ITGAE: variants seen among roughly 807,000 people sequenced by gnomAD.
ITGAE encodes integrin alpha-E.
ITGAE carries 99 observed loss-of-function variants against 136.5 expected under a neutral mutation model. The observed-to-expected ratio is 0.73, with a 90% CI of 0.62 to 0.86. ITGAE has a LOEUF of 0.86. ITGAE is among the 40% of genes least tolerant of loss of function. ITGAE has a pLI of 0.00. For synonymous variants in ITGAE, 613 were observed against 591.8 expected (o/e 1.04, Z -0.52); for missense variants, 1,447 against 1,515.3 (o/e 0.95, Z 0.75).
At chr17:3,788,478 T>C (rs566582996) in intron 1 of ITGAE, among the ~76,000 whole-genome samples, 229 of 145,972 alleles carry the variant, frequency 1.6e-3, no homozygotes, top group Admixed American at 2.5e-3. Context: ...TTTTTTTTTT[T>C]TGGTAGAGGC....
intron 2 of ITGAE, among the ~76,000 whole-genome samples, chr17:3,767,091 C>G (rs1262542883): frequency 3.5e-5 from 5 of 142,470 alleles, no homozygotes; most frequent in Non-Finnish European, 6.2e-5. Context: ...TCTCCAAATT[C>G]TTTTTTTTTT....
chr17:3,715,031 C>T, intron 30 of ITGAE, 89 bp from the exon 31 acceptor site: 1 of 711,384 alleles, frequency 1.4e-6, no homozygotes. Context: ...CCTAAATAGC[C>T]CCTATATTCC....
chr17:3,746,348 A>G (rs2051713349), intron 17 of ITGAE, among the ~76,000 whole-genome samples: 3 of 152,302 alleles, frequency 2.0e-5, no homozygotes, highest in South Asian at 4.1e-4. Context: ...CTTACTGTAC[A>G]GAACAGAACC....
intron 12 of ITGAE, among the ~76,000 whole-genome samples, chr17:3,754,265 T>C (rs1008112276): frequency 2.0e-5 from 3 of 151,500 alleles, no homozygotes; most frequent in African/African-American, 7.3e-5. Flanking sequence ...TATTATTATT[T>C]TTATTTATTT....
chr17:3,720,336 C>T lies in ITGAE; in HGVS notation c.3304G>A (p.Gly1102Arg), dbSNP rs753010937. 1.9e-6 allele frequency: 3 copies of T among 1,589,008 alleles called. No homozygotes were observed. The highest frequency in any genetic ancestry group is 2.2e-5 in the South Asian group (2 of 90,466). The change falls in exon 29 of 31, where the codon GGA becomes AGA. Residue 1102 changes from glycine (G) to arginine (R), a missense_variant. By Grantham distance (125) the Gly-to-Arg change is moderately radical. Coordinates refer to ENST00000263087, the MANE Select transcript of ITGAE (RefSeq NM_002208.5). ...EISFNKSLYE[G>R]LNAENHRTKI... Reference sequence around the variant, plus strand: ...GTTCTGTGGTTCTCTGCATTCAGTCCCTCATATAGAGATTTGTTGAAAGAT... The same window carrying T: ...GTTCTGTGGTTCTCTGCATTCAGTCTCTCATATAGAGATTTGTTGAAAGAT...
intron 23 of ITGAE, 47 bp downstream of exon 23, chr17:3,731,057 C>A (rs2051330014): frequency 6.7e-7 from 1 of 1,499,992 alleles, no homozygotes; most frequent in Non-Finnish European, 9.3e-7. Context: ...AGGGAGATGT[C>A]TTCCGGGGTC....
At chr17:3,729,792 A>C in intron 23 of ITGAE, 1 of 411,378 alleles carries the variant, frequency 2.4e-6, no homozygotes, top group South Asian at 2.2e-5. Context: ...ATGGGGTTTC[A>C]CCATGTTGGC....
intron 20 of ITGAE, among the ~76,000 whole-genome samples, chr17:3,739,230 G>C (rs1024092278): frequency 6.6e-6 from 1 of 152,084 alleles, no homozygotes; most frequent in Admixed American, 6.6e-5. Flanking sequence ...AGCATCAGCT[G>C]CCACCCAACA....
At chr17:3,731,580 G>A (rs1256410134) in intron 22 of ITGAE, among the ~76,000 whole-genome samples, 2 of 151,298 alleles carry the variant, frequency 1.3e-5, no homozygotes, top group African/African-American at 4.8e-5. Flanking sequence ...GACCTCAAAT[G>A]ATCCACCCAC....
At chr17:3,784,497 C>T (rs1041499446) in intron 1 of ITGAE, 23 of 160,554 alleles carry the variant, frequency 1.4e-4, no homozygotes, top group Non-Finnish European at 2.7e-4. Context: ...CAGGTTCAAG[C>T]GATTCTTCTG....
intron 26 of ITGAE, 70 bp from the exon 27 acceptor site, chr17:3,723,814 C>A (rs2051121173): frequency 6.3e-7 from 1 of 1,579,958 alleles, no homozygotes; most frequent in Non-Finnish European, 8.6e-7. Context: ...CGTCCCGGCC[C>A]CGGCCCTGGC....
intron 8 of ITGAE, 51 bp from the exon 9 acceptor site, chr17:3,757,910 G>C (rs1489574030): frequency 1.9e-6 from 3 of 1,591,306 alleles, no homozygotes; most frequent in Non-Finnish European, 2.6e-6. Flanking sequence ...AAGGATGACC[G>C]AGCTCCAGGA....
At position 3,732,384 on chromosome 17, in the gene ITGAE, A is replaced by G. The variant is rs760766346; in HGVS notation, c.2738T>C (p.Val913Ala). 9.9e-6 allele frequency: 16 copies of G among 1,614,004 alleles called. No homozygotes were observed. The highest frequency in any genetic ancestry group is 1.2e-5 in the Non-Finnish European group (14 of 1,179,870). The change falls in exon 22 of 31, where the codon GTC becomes GCC. Residue 913 changes from valine to alanine, a missense_variant. By Grantham distance (64) the Val-to-Ala change is moderately conservative (BLOSUM62 0). This residue lies in a region of ITGAE where 1,031 missense variants were observed against 1,011.4 expected (regional missense o/e 1.02). Transcript: ENST00000263087. The part of the protein sequence containing the change: ...LIMNCRIGHP[V>A]LKRSSAHVSV... ...CCGACTCACAGATGACCTCTTGAGG[A>G]CGGGGTGACCAATCCTGCAGTTCAT...
intron 26 of ITGAE, 186 bp from the exon 27 acceptor site, chr17:3,723,930 C>A: frequency 1.3e-6 from 2 of 1,543,300 alleles, no homozygotes; most frequent in Non-Finnish European, 1.7e-6. Flanking sequence ...TTGGCGGGTG[C>A]CGGCCATGGC....
chr17:3,716,918 C>T (rs1667641555), intron 29 of ITGAE, 120 bp from the exon 30 acceptor site: 3 of 622,004 alleles, frequency 4.8e-6, no homozygotes, highest in Admixed American at 2.9e-5. Context: ...TTGATCAAAG[C>T]TGATGACAGT....
At chr17:3,784,971 C>A (rs2052750187) in intron 1 of ITGAE, among the ~76,000 whole-genome samples, 1 of 151,728 alleles carries the variant, frequency 6.6e-6, no homozygotes, top group African/African-American at 2.4e-5. Flanking sequence ...AACAAAAATA[C>A]CAAACTCCAT....
intron 1 of ITGAE, among the ~76,000 whole-genome samples, chr17:3,788,524 T>G (rs1386669560): frequency 7.0e-6 from 1 of 142,406 alleles, no homozygotes; most frequent in Non-Finnish European, 1.5e-5. Context: ...GGTCTTGAAC[T>G]CCTAGGTTCA....
intron 13 of ITGAE, 56 bp downstream of exon 13, chr17:3,753,727 G>T: frequency 6.3e-7 from 1 of 1,599,774 alleles, no homozygotes; most frequent in East Asian, 2.3e-5. Context: ...CTTTCCCTTG[G>T]GGGCCTCCAG....
chr17:3,736,721 T>C (rs1164514743), intron 20 of ITGAE, among the ~76,000 whole-genome samples: 1 of 152,114 alleles, frequency 6.6e-6, no homozygotes, highest in Non-Finnish European at 1.5e-5. Flanking sequence ...CAGAAAAACA[T>C]ATTAGCAATA....
Sources: gnomAD v4.1 joint callset for allele counts (sites outside exome capture counted in the v4.1 genomes callset) on GRCh38, gnomAD v4.1.1 for gene constraint, gnomAD v4.1.1 regional missense constraint, MANE v1.5 for transcripts, NCBI Gene and HGNC (gene_info 2026-07-23, HGNC 2026-07-21) for gene names.